Variants in NSMAF observed in about 807,000 individuals in gnomAD.
The protein encoded by NSMAF is neutral sphingomyelinase activation associated factor, also known as protein FAN.
In NSMAF, 90 loss-of-function variants were observed where a neutral mutation model predicts 134.9. The observed-to-expected ratio is 0.67, with a 90% CI of 0.56 to 0.79. The LOEUF is 0.79. Among genes scored for constraint, NSMAF ranks in the 30% least tolerant of loss-of-function variants. NSMAF has a pLI of 0.00. For missense variants in NSMAF, 1,010 were observed against 1,119.0 expected, an observed-to-expected ratio of 0.90 and a Z score of 1.39; for synonymous variants, 358 against 389.6, an observed-to-expected ratio of 0.92 and a Z score of 0.96.
chr8:58,594,214 TCG>T lies in NSMAF; in HGVS notation c.1951+16_1951+17del. On this transcript the variant is annotated intron_variant, in intron 23 of 30. Transcript: ENST00000038176. ...TCTAGGATTTTGGTTAAGCCGCCTT[TCG>T]GGGAGGAACACTGACCTTGGGATGT... 6.2e-7 allele frequency: 1 copy of T among 1,613,310 alleles called. No individual in the cohort carries two copies. The highest frequency in any genetic ancestry group is 8.5e-7 in the Non-Finnish European group (1 of 1,179,312).
At chr8:58,632,029 C>A (rs1807066730) in intron 5 of NSMAF, among the ~76,000 whole-genome samples, 1 of 152,068 alleles carries the variant, frequency 6.6e-6, no homozygotes, top group African/African-American at 2.4e-5. Flanking sequence ...TAAGTGACAC[C>A]ATCTACCAGA....
At chr8:58,599,680 A>C (rs1806229306) in intron 18 of NSMAF, 70 bp downstream of exon 18, 3 of 1,521,668 alleles carry the variant, frequency 2.0e-6, no homozygotes, top group Non-Finnish European at 2.7e-6. Context: ...CTAAGCAATA[A>C]AATAATTACT....
In NSMAF at chr8:58,584,151, T is replaced by A. The variant is rs1361831833; in HGVS notation, c.2709A>T (p.Thr903=). ...ATATAATTTGTCTGTCTTCCCCTCC[T>A]GTGATGATACTGCTACACTGTTCAT... is the stretch of plus-strand genomic sequence containing the variant. ...WMNEQCSSII[T]GGEDRQIIFW... is the part of the protein sequence containing the mutation. The change falls in exon 31 of 31, where the codon ACA becomes ACT. Residue 903 remains threonine, a synonymous_variant. Coordinates refer to ENST00000038176, the MANE Select transcript of NSMAF (RefSeq NM_003580.4). 6.2e-7 allele frequency: 1 copy of A among 1,613,648 alleles called. No individual in the cohort carries two copies. The highest frequency in any genetic ancestry group is 1.1e-5 in the South Asian group (1 of 91,078).
chr8:58,628,285 A>G (rs1156299272), intron 6 of NSMAF, among the ~76,000 whole-genome samples: 1 of 152,158 alleles, frequency 6.6e-6, no homozygotes, highest in Non-Finnish European at 1.5e-5. Flanking sequence ...TAAAAATTCT[A>G]CATGATAATA....
intron 18 of NSMAF, 50 bp from the exon 19 acceptor site, chr8:58,599,413 TC>T: frequency 1.9e-6 from 3 of 1,594,996 alleles, no homozygotes; most frequent in Non-Finnish European, 2.6e-6. Flanking sequence ...ATTTTTTTCC[TC>T]CCATTTCTCT....
chr8:58,587,568 C>T, intron 27 of NSMAF, 50 bp downstream of exon 27: 1 of 1,518,996 alleles, frequency 6.6e-7, no homozygotes, highest in Non-Finnish European at 9.1e-7. Context: ...CCAGCCGAAC[C>T]CCTAGACTTT....
At chr8:58,627,625 TA>T (rs886144692) in intron 6 of NSMAF, among the ~76,000 whole-genome samples, 7 of 151,704 alleles carry the variant, frequency 4.6e-5, no homozygotes, top group African/African-American at 1.7e-4. Context: ...GCAAAAAAAA[TA>T]AAATAAAATA....
At chr8:58,604,826 C>G (rs1806367843) in intron 12 of NSMAF, among the ~76,000 whole-genome samples, 1 of 152,144 alleles carries the variant, frequency 6.6e-6, no homozygotes, top group Admixed American at 6.5e-5. Flanking sequence ...CCACTGCAGC[C>G]TTGACCTCCC....
At chr8:58,639,592 C>T (rs1807285595) in intron 2 of NSMAF, among the ~76,000 whole-genome samples, 1 of 152,178 alleles carries the variant, frequency 6.6e-6, no homozygotes. Context: ...ATCCAGCAAT[C>T]CCACTTCTGG....
intron 6 of NSMAF, among the ~76,000 whole-genome samples, chr8:58,627,554 A>G (rs1485541116): frequency 6.6e-6 from 1 of 152,220 alleles, no homozygotes; most frequent in East Asian, 1.9e-4. Context: ...TAGCACTGCT[A>G]TACACCAACA....
At chr8:58,642,377 T>C (rs1807355431) in intron 2 of NSMAF, among the ~76,000 whole-genome samples, 1 of 152,218 alleles carries the variant, frequency 6.6e-6, no homozygotes, top group Non-Finnish European at 1.5e-5. Context: ...CATGCTTCTG[T>C]ACATAGCTTT....
Position 58,606,006 on chromosome 8 carries a change from A to C in NSMAF, c.789T>G (p.Asp263Glu), listed in dbSNP as rs1806401513. The C allele has an allele frequency of 1.9e-6, 3 of 1,594,842 alleles. No homozygotes were observed. The highest frequency in any genetic ancestry group is 2.6e-6 in the Non-Finnish European group (3 of 1,173,726). The part of the protein sequence containing the change: ...LGLEVFCTED[D>E]LCSDIYLKFY... ...ACTTTAGGTAGATGTCGGAACACAGATCATCTTCTGTGCAAAATACTTCCA... is the reference window on the plus strand; with the variant it reads ...ACTTTAGGTAGATGTCGGAACACAGCTCATCTTCTGTGCAAAATACTTCCA... The change falls in exon 12 of 31, where the codon GAT (aspartate) becomes GAG (glutamate). Residue 263 changes from aspartate (D) to glutamate (E), a missense_variant. Asp to Glu is a conservative substitution (Grantham distance 45, BLOSUM62 2). Transcript: ENST00000038176.
At chr8:58,612,714 T>C (rs1028727860) in intron 9 of NSMAF, among the ~76,000 whole-genome samples, 4 of 152,110 alleles carry the variant, frequency 2.6e-5, no homozygotes, top group African/African-American at 7.2e-5. Flanking sequence ...ATGAATCGAA[T>C]TGTAGAATAC....
At chr8:58,641,789 G>A (rs1807344172) in intron 2 of NSMAF, among the ~76,000 whole-genome samples, 1 of 152,184 alleles carries the variant, frequency 6.6e-6, no homozygotes, top group African/African-American at 2.4e-5. Context: ...ATAGGTTAAT[G>A]CACATGTCAT....
chr8:58,592,313 A>C (rs1806037697), intron 23 of NSMAF, among the ~76,000 whole-genome samples: 1 of 152,204 alleles, frequency 6.6e-6, no homozygotes, highest in South Asian at 2.1e-4. Context: ...CAGGGAACCA[A>C]AAAAATGGAA....
intron 1 of NSMAF, among the ~76,000 whole-genome samples, chr8:58,652,822 G>T (rs529626650): frequency 2.0e-5 from 3 of 152,266 alleles, no homozygotes; most frequent in East Asian, 3.9e-4. Context: ...GGAAAATAAG[G>T]ATATGTTCAG....
At chr8:58,658,347 A>G (rs1333985233) in intron 1 of NSMAF, among the ~76,000 whole-genome samples, 2 of 152,224 alleles carry the variant, frequency 1.3e-5, no homozygotes, top group African/African-American at 2.4e-5. Flanking sequence ...CACATCACCA[A>G]AAACATTTTT....
Position 58,598,490 on chromosome 8 carries a change from CAAAAAAAAA to C in NSMAF, c.1586-597_1586-589del, listed in dbSNP as rs71250204. On this transcript the variant is annotated intron_variant, in intron 19 of 30. Transcript: ENST00000038176. ...TGACAGAGCAAGACTCTGTCTCAAA[CAAAAAAAAA>C]AAAAAAAAAAAAGAAAAAAAAAAGA... 5.6e-5 allele frequency among the ~76,000 whole-genome samples: 7 copies of C among 125,982 alleles called. No homozygotes were observed. The East Asian group carries it at 1.4e-3, about 24-fold the overall frequency. 82.6% of individuals were successfully genotyped at this position (125,982 alleles called of 152,430 possible).
chr8:58,645,103 AAAGTAT>A (rs1357097641), intron 1 of NSMAF, among the ~76,000 whole-genome samples: 2 of 150,894 alleles, frequency 1.3e-5, no homozygotes, highest in Admixed American at 6.6e-5. Context: ...TCCAGAACTT[AAAGTAT>A]AATTAAAAAA....
Sources: allele counts gnomAD v4.1 joint callset (sites outside exome capture counted in the v4.1 genomes callset), GRCh38; gene constraint gnomAD v4.1.1; transcripts MANE v1.5; gene names NCBI Gene and HGNC (gene_info 2026-07-23, HGNC 2026-07-21).